The following MRAP2 variants were observed in gnomAD, a reference collection of about 807,000 sequenced individuals.
MRAP2 encodes the protein melanocortin-2 receptor accessory protein 2.
A neutral mutation model predicts 17.4 loss-of-function variants in MRAP2; 20 were observed. That is an observed-to-expected ratio of 1.15 (90% confidence interval 0.81 to 1.67). The LOEUF (loss-of-function observed/expected upper bound fraction) is 1.67, where lower values mean the gene tolerates loss of function less well. MRAP2 is among the 40% of genes most tolerant of loss of function. The probability of loss-of-function intolerance (pLI) is 0.00; values close to 1 mark genes in which losing one functional copy is unlikely to be tolerated. For missense variants in MRAP2, 238 were observed against 240.0 expected, an observed-to-expected ratio of 0.99 and a Z score of 0.05; for synonymous variants, 96 against 88.4, an observed-to-expected ratio of 1.09 and a Z score of -0.48.
chr6:84,041,423 C>T (rs2099487542), intron 1 of MRAP2, among the ~76,000 whole-genome samples: 1 of 152,228 alleles, frequency 6.6e-6, no homozygotes, highest in African/African-American at 2.4e-5. Flanking sequence ...GGGGCACTGC[C>T]TAGTGGAGTT....
the MRAP2 span, among the ~76,000 whole-genome samples, chr6:84,109,578 T>G: frequency 6.6e-6 from 1 of 152,180 alleles, no homozygotes; most frequent in Non-Finnish European, 1.5e-5. Flanking sequence ...TGAGGGAGGT[T>G]TCTTTTCTTA....
At chr6:84,075,554 A>G (rs1466972362) in intron 3 of MRAP2, among the ~76,000 whole-genome samples, 1 of 152,222 alleles carries the variant, frequency 6.6e-6, no homozygotes, top group Admixed American at 6.5e-5. Flanking sequence ...TTTACTCTGC[A>G]TGCTGTCTTG....
At chr6:84,098,837 C>G in the MRAP2 span, among the ~76,000 whole-genome samples, 14 of 151,908 alleles carry the variant, frequency 9.2e-5, no homozygotes, top group Non-Finnish European at 1.8e-4. Context: ...TCTTTATATT[C>G]TGTAAATATA....
At chr6:84,047,547 C>T (rs368878239) in intron 1 of MRAP2, among the ~76,000 whole-genome samples, 32 of 151,500 alleles carry the variant, frequency 2.1e-4, no homozygotes, top group African/African-American at 6.3e-4. Flanking sequence ...TGGTTAAAAA[C>T]GCATAATATA....
the MRAP2 span, among the ~76,000 whole-genome samples, chr6:84,144,577 G>A: frequency 6.6e-6 from 1 of 152,080 alleles, no homozygotes; most frequent in Non-Finnish European, 1.5e-5. Context: ...TTCATGGAAA[G>A]CACTCTGACA....
intron 3 of MRAP2, among the ~76,000 whole-genome samples, chr6:84,085,123 C>G (rs976205597): frequency 3.3e-5 from 5 of 151,426 alleles, no homozygotes; most frequent in Non-Finnish European, 7.4e-5. Context: ...GGCGCGATCT[C>G]GGCTCACTGC....
chr6:84,122,814 G>A, the MRAP2 span, among the ~76,000 whole-genome samples: 3 of 152,126 alleles, frequency 2.0e-5, no homozygotes, highest in Non-Finnish European at 2.9e-5. Flanking sequence ...TGACACGATT[G>A]TATACCTAGA....
At chr6:84,092,908 T>A (rs932307070), downstream of MRAP2, among the ~76,000 whole-genome samples, 3 of 152,108 alleles carry the variant, frequency 2.0e-5, no homozygotes, top group African/African-American at 7.2e-5. Context: ...AAAAAATGAA[T>A]CATCAGTCCC....
the MRAP2 span, among the ~76,000 whole-genome samples, chr6:84,107,498 A>G: frequency 4.6e-5 from 7 of 152,210 alleles, no homozygotes; most frequent in African/African-American, 1.7e-4. Context: ...ATTGGATCCA[A>G]TCAGCATAAC....
At chr6:84,120,356 G>GTATC in the MRAP2 span, among the ~76,000 whole-genome samples, 1 of 152,150 alleles carries the variant, frequency 6.6e-6, no homozygotes, top group Non-Finnish European at 1.5e-5. Flanking sequence ...AGCTCTCTGG[G>GTATC]TATCTCATAA....
At chr6:84,093,811 G>A (rs147461695), downstream of MRAP2, among the ~76,000 whole-genome samples, 29 of 152,322 alleles carry the variant, frequency 1.9e-4, no homozygotes, top group African/African-American at 6.5e-4. Context: ...ATGAGTTGAA[G>A]TTTAAGTCTA....
upstream of MRAP2, chr6:84,033,707 GC>G: frequency 1.0e-6 from 1 of 985,190 alleles, no homozygotes; most frequent in Non-Finnish European, 1.2e-6. Flanking sequence ...CTGCTCCGGC[GC>G]CCCGCGCCGC....
chr6:84,054,544 C>T (rs1489555947), intron 1 of MRAP2, among the ~76,000 whole-genome samples: 1 of 152,184 alleles, frequency 6.6e-6, no homozygotes, highest in Non-Finnish European at 1.5e-5. Context: ...TTTCTTTATT[C>T]ACTCCATTTT....
intron 1 of MRAP2, chr6:84,035,331 G>A (rs1422175380): frequency 1.2e-5 from 8 of 694,568 alleles, no homozygotes; most frequent in Non-Finnish European, 1.4e-5. Flanking sequence ...CAACATTCTA[G>A]AACAAATTCT....
chr6:84,121,759 AAT>A, the MRAP2 span, among the ~76,000 whole-genome samples: 1 of 152,238 alleles, frequency 6.6e-6, no homozygotes, highest in Non-Finnish European at 1.5e-5. Flanking sequence ...AATAAATGAA[AAT>A]AGAGACATAA....
At chr6:84,115,444 C>T in the MRAP2 span, among the ~76,000 whole-genome samples, 1 of 152,164 alleles carries the variant, frequency 6.6e-6, no homozygotes, top group South Asian at 2.1e-4. Context: ...TTGAGCGTCC[C>T]AGGTTGACCT....
chr6:84,037,433 A>G (rs915465629), intron 1 of MRAP2, among the ~76,000 whole-genome samples: 1 of 152,220 alleles, frequency 6.6e-6, no homozygotes, highest in African/African-American at 2.4e-5. Flanking sequence ...ATCCCACGCC[A>G]GGGCCATGGG....
At chr6:84,106,713 T>C in the MRAP2 span, among the ~76,000 whole-genome samples, 1 of 152,150 alleles carries the variant, frequency 6.6e-6, no homozygotes, top group African/African-American at 2.4e-5. Flanking sequence ...GTAGGAACGA[T>C]GGGCATTTGG....
At chr6:84,092,238 T>C (rs933362697), downstream of MRAP2, among the ~76,000 whole-genome samples, 5 of 152,196 alleles carry the variant, frequency 3.3e-5, no homozygotes, top group African/African-American at 1.2e-4. Flanking sequence ...CTGTAAAGTG[T>C]GTGCCTTTTG....
Sources: allele counts gnomAD v4.1 joint callset (sites outside exome capture counted in the v4.1 genomes callset), GRCh38; gene constraint gnomAD v4.1.1; transcripts MANE v1.5; gene names NCBI Gene and HGNC (gene_info 2026-07-23, HGNC 2026-07-21).